Variants in IL1RAPL1 observed in about 807,000 individuals in gnomAD.
IL1RAPL1 encodes interleukin 1 receptor accessory protein like 1, also known as interleukin-1 receptor accessory protein-like 1.
In IL1RAPL1, 3 loss-of-function variants were observed where a neutral mutation model predicts 48.4. The ratio of observed to expected loss-of-function variants is 0.06; its 90% CI spans 0.03 to 0.16. The LOEUF is 0.16. Among genes scored for constraint, IL1RAPL1 ranks in the 10% least tolerant of loss-of-function variants. The pLI is 1.00. For synonymous variants in IL1RAPL1, 185 were observed against 187.7 expected (o/e 0.99, Z 0.12); for missense variants, 349 against 530.6 (o/e 0.66, Z 3.36).
intron 2 of IL1RAPL1, among the ~76,000 whole-genome samples, chrX:29,119,488 CA>C (rs757457649): frequency 1.2e-4 from 13 of 111,705 alleles, no homozygotes; most frequent in African/African-American, 4.2e-4. Context: ...AATTGAAAAT[CA>C]ACAACTTTTC....
chrX:29,558,047 A>G (rs905295945), intron 5 of IL1RAPL1, among the ~76,000 whole-genome samples: 1 of 111,619 alleles, frequency 9.0e-6, no homozygotes. Flanking sequence ...CTTTGGATAT[A>G]CACCCAGAAG....
At chrX:28,969,846 CATATATGTTTCTAA>C (rs1433936972) in intron 2 of IL1RAPL1, among the ~76,000 whole-genome samples, 4 of 61,244 alleles carry the variant, frequency 6.5e-5, no homozygotes, top group Admixed American at 4.4e-4. Context: ...TGTTTCTAAA[CATATATGTTTCTAA>C]ACACATATAT....
chrX:29,003,764 G>A (rs1426869092), intron 2 of IL1RAPL1, among the ~76,000 whole-genome samples: 1 of 112,054 alleles, frequency 8.9e-6, no homozygotes, highest in Non-Finnish European at 1.9e-5. Context: ...TAGATCATAG[G>A]ACTTATAACA....
intron 2 of IL1RAPL1, among the ~76,000 whole-genome samples, chrX:29,181,419 A>G (rs1930141571): frequency 1.8e-5 from 2 of 112,016 alleles, no homozygotes; most frequent in South Asian, 3.7e-4. Context: ...ATAATTTTTT[A>G]CATGCTAATA....
chrX:28,741,333 A>G (rs1406658821), intron 1 of IL1RAPL1, among the ~76,000 whole-genome samples: 2 of 111,544 alleles, frequency 1.8e-5, no homozygotes, highest in African/African-American at 6.5e-5. Context: ...GGCCATATGT[A>G]TGTCTTTTTT....
intron 3 of IL1RAPL1, among the ~76,000 whole-genome samples, chrX:29,284,545 C>T (rs943206154): frequency 1.8e-5 from 2 of 111,506 alleles, no homozygotes; most frequent in Non-Finnish European, 3.8e-5. Flanking sequence ...GAGTTCGAGA[C>T]CGGCCTGGCC....
At chrX:29,881,592 G>C (rs1217461573) in intron 6 of IL1RAPL1, among the ~76,000 whole-genome samples, 3 of 109,504 alleles carry the variant, frequency 2.7e-5, no homozygotes, top group Non-Finnish European at 5.7e-5. Context: ...ATATTTGAGG[G>C]GTACATGAGA....
At chrX:29,916,852 C>A (rs1202194131) in intron 6 of IL1RAPL1, among the ~76,000 whole-genome samples, 1 of 112,093 alleles carries the variant, frequency 8.9e-6, no homozygotes, top group Non-Finnish European at 1.9e-5. Flanking sequence ...CTGATTTTAT[C>A]TGTGATGAAA....
intron 3 of IL1RAPL1, among the ~76,000 whole-genome samples, chrX:29,285,556 A>AG (rs1491342131): frequency 2.5e-5 from 2 of 81,415 alleles, no homozygotes; most frequent in African/African-American, 8.6e-5. Context: ...AAAAAAAAAA[A>AG]GCCTCTGAAT....
rs189484271 is a variant in IL1RAPL1 at position 28,806,099 on chromosome X, G to A, written c.82+16674G>A. On this transcript the variant is annotated intron_variant, in intron 2 of 10. Transcript: ENST00000378993. ...GTTCATTAATGAGGCTTTACACATA[G>A]CATTATTTGACCAATTGTTATATAA... Among the ~76,000 whole-genome samples, 20 of 111,562 alleles carry A rather than the reference G, an allele frequency of 1.8e-4. No individual in the cohort carries two copies. In the East Asian group the frequency reaches 5.4e-3, roughly 30 times the overall value.
chrX:28,809,558 G>T (rs1487483735), intron 2 of IL1RAPL1, among the ~76,000 whole-genome samples: 1 of 110,471 alleles, frequency 9.1e-6, no homozygotes, highest in Non-Finnish European at 1.9e-5. Flanking sequence ...TAGAAAGATG[G>T]TCATTATGGA....
chrX:29,645,750 G>A lies in IL1RAPL1; in HGVS notation c.704-22680G>A, dbSNP rs1206033303. ...TAGCCTCAGTGGCCACGGGCTTTAGGCACACTCCAATGCTGCACCAACATT... is the reference window on the plus strand; with the variant it reads ...TAGCCTCAGTGGCCACGGGCTTTAGACACACTCCAATGCTGCACCAACATT... On this transcript the variant is annotated intron_variant, in intron 5 of 10. Transcript: ENST00000378993. Among the ~76,000 whole-genome samples, 47 of 111,679 alleles carry A rather than the reference G, an allele frequency of 4.2e-4. 1 individual carries two copies. Among genetic ancestry groups the A allele is most frequent in the Admixed American group, 3.7e-3 (39 of 10,527 alleles).
chrX:29,883,736 A>G (rs971272931), intron 6 of IL1RAPL1, among the ~76,000 whole-genome samples: 1 of 111,867 alleles, frequency 8.9e-6, no homozygotes, highest in Non-Finnish European at 1.9e-5. Flanking sequence ...AATTAGAATA[A>G]ATTTTCTGCC....
intron 5 of IL1RAPL1, among the ~76,000 whole-genome samples, chrX:29,602,515 C>T (rs1015268912): frequency 1.8e-5 from 2 of 112,390 alleles, no homozygotes; most frequent in African/African-American, 6.5e-5. Context: ...ATTGTATTGT[C>T]ACTTTGATTA....
chrX:29,088,534 G>A (rs1475968966), intron 2 of IL1RAPL1, among the ~76,000 whole-genome samples: 1 of 108,685 alleles, frequency 9.2e-6, no homozygotes, highest in Non-Finnish European at 1.9e-5. Context: ...AAATTAGCCG[G>A]GCATGGTGGT....
At chrX:29,439,851 G>GTTTTTTTTTTTTTTTTTTTTTTTTGTTTT (rs760458968) in intron 5 of IL1RAPL1, among the ~76,000 whole-genome samples, 4 of 59,865 alleles carry the variant, frequency 6.7e-5, no homozygotes, top group Non-Finnish European at 8.7e-5. Flanking sequence ...TGTTTGTTTG[G>GTTTTTTTTTTTTTTTTTTTTTTTTGTTTT]TTTTTTTTTT....
At chrX:28,863,434 T>TC (rs1922000288) in intron 2 of IL1RAPL1, among the ~76,000 whole-genome samples, 1 of 109,009 alleles carries the variant, frequency 9.2e-6, no homozygotes, top group Non-Finnish European at 1.9e-5. Context: ...TTTTTTTTTT[T>TC]CTTGTCAATC....
At chrX:29,725,481 C>T (rs1254525524) in intron 6 of IL1RAPL1, among the ~76,000 whole-genome samples, 1 of 111,562 alleles carries the variant, frequency 9.0e-6, no homozygotes, top group Middle Eastern at 4.2e-3. Flanking sequence ...TGGTAGAACA[C>T]ACGATCGGCC....
At chrX:29,354,228 T>TCA (rs1421044706) in intron 3 of IL1RAPL1, among the ~76,000 whole-genome samples, 1 of 111,067 alleles carries the variant, frequency 9.0e-6, no homozygotes, top group East Asian at 2.8e-4. Context: ...AGCTTCTAAG[T>TCA]CACACTACTA....
Sources: gnomAD v4.1 joint callset for allele counts (sites outside exome capture counted in the v4.1 genomes callset) on GRCh38, gnomAD v4.1.1 for gene constraint, MANE v1.5 for transcripts, NCBI Gene and HGNC (gene_info 2026-07-23, HGNC 2026-07-21) for gene names.